Variants in EVA1C observed in about 807,000 individuals in gnomAD.
EVA1C encodes the protein eva-1 homolog C, also known as protein eva-1 homolog C.
A neutral mutation model predicts 45.4 loss-of-function variants in EVA1C; 25 were observed. The observed-to-expected ratio is 0.55, with a 90% CI of 0.40 to 0.77. The LOEUF is 0.77. Among genes scored for constraint, EVA1C ranks in the 30% least tolerant of loss-of-function variants. The pLI is 0.00. For synonymous variants in EVA1C, 190 were observed against 221.2 expected (o/e 0.86, Z 1.25); for missense variants, 479 against 554.8 (o/e 0.86, Z 1.37).
At chr21:32,473,798 A>G (rs2036464846) in intron 4 of EVA1C, 1 of 385,704 alleles carries the variant, frequency 2.6e-6, no homozygotes, top group East Asian at 1.6e-4. Flanking sequence ...ATCTGAGCCA[A>G]GGAGAAAATG....
chr21:32,418,463 G>T (rs2034138766), intron 1 of EVA1C, among the ~76,000 whole-genome samples: 1 of 152,214 alleles, frequency 6.6e-6, no homozygotes, highest in Non-Finnish European at 1.5e-5. Context: ...TGCTTTATTG[G>T]AAAGGGGAGC....
At chr21:32,455,835 A>G (rs2035758855) in intron 2 of EVA1C, among the ~76,000 whole-genome samples, 1 of 152,130 alleles carries the variant, frequency 6.6e-6, no homozygotes, top group African/African-American at 2.4e-5. Context: ...TTTGCCAGAA[A>G]CATCCCCATG....
At chr21:32,463,092 C>A (rs2146286864) in intron 3 of EVA1C, among the ~76,000 whole-genome samples, 4 of 152,326 alleles carry the variant, frequency 2.6e-5, no homozygotes, top group Middle Eastern at 3.4e-3. Flanking sequence ...CGAAAAGAAG[C>A]AGAATGACCC....
chr21:32,487,620 C>T (rs2037014394), intron 4 of EVA1C, among the ~76,000 whole-genome samples: 1 of 151,756 alleles, frequency 6.6e-6, no homozygotes, highest in Non-Finnish European at 1.5e-5. Flanking sequence ...ACTCGGGAAG[C>T]TGAGACAGAG....
At chr21:32,430,114 C>T (rs1346907572) in intron 1 of EVA1C, among the ~76,000 whole-genome samples, 1 of 152,156 alleles carries the variant, frequency 6.6e-6, no homozygotes, top group Non-Finnish European at 1.5e-5. Context: ...CCTTGTTTAG[C>T]ACCCTTTGGT....
Position 32,440,871 on chromosome 21 carries a change from C to T in EVA1C, c.161-12441C>T, listed in dbSNP as rs186350673. On this transcript the variant is annotated intron_variant, in intron 1 of 7. Transcript: ENST00000300255. The stretch of plus-strand genomic sequence containing the variant: ...ATCCCAGCACTTTGGGAGGCCGAGG[C>T]GGGCAGATCACCTGAGGTCGGAAGT... Among the ~76,000 whole-genome samples the T allele has an allele frequency of 3.0e-3, 460 of 152,236 alleles. 1 individual carries two copies. The highest frequency in any genetic ancestry group is 9.4e-3 in the African/African-American group (392 of 41,552).
intron 1 of EVA1C, among the ~76,000 whole-genome samples, chr21:32,419,203 A>C (rs879755644): frequency 6.6e-6 from 1 of 152,156 alleles, no homozygotes; most frequent in Admixed American, 6.5e-5. Flanking sequence ...TGAGTTAAAA[A>C]AATTTGGAGG....
chr21:32,509,451 C>T (rs1321506894), intron 7 of EVA1C, among the ~76,000 whole-genome samples: 2 of 152,176 alleles, frequency 1.3e-5, no homozygotes, highest in African/African-American at 4.8e-5. Flanking sequence ...CACCCACCTC[C>T]CAGGAGAAGA....
At chr21:32,503,787 T>C (rs2037634784) in intron 6 of EVA1C, 139 bp from the exon 7 acceptor site, 1 of 605,734 alleles carries the variant, frequency 1.7e-6, no homozygotes, top group East Asian at 2.8e-5. Flanking sequence ...TTCTGTAATT[T>C]AGCCAGAGGC....
intron 1 of EVA1C, among the ~76,000 whole-genome samples, chr21:32,451,271 C>T (rs554369308): frequency 2.6e-5 from 4 of 152,334 alleles, no homozygotes; most frequent in Admixed American, 1.3e-4. Context: ...CACCTCCTCC[C>T]TTCAGAGACC....
At chr21:32,458,709 G>A (rs908963049) in intron 3 of EVA1C, among the ~76,000 whole-genome samples, 2 of 151,966 alleles carry the variant, frequency 1.3e-5, no homozygotes, top group African/African-American at 2.4e-5. Context: ...TTGAACTCCC[G>A]ACCTCAGCTG....
chr21:32,438,503 A>C (rs972620933), intron 1 of EVA1C, among the ~76,000 whole-genome samples: 9 of 151,094 alleles, frequency 6.0e-5, no homozygotes, highest in Non-Finnish European at 1.3e-4. Flanking sequence ...AAAAAAAAAA[A>C]AAAAACCAAA....
At position 32,503,974 on chromosome 21, in the gene EVA1C, T is replaced by A; in HGVS notation, c.908T>A (p.Ile303Asn). The change falls in exon 7 of 8, where the codon ATT becomes AAT. Residue 303 changes from isoleucine (I) to asparagine (N), a missense_variant. Transcript: ENST00000300255. ...SGSKVLRKDG[I>N]LVSNSLAAFA... ...TCGAAGGTTCTGAGGAAAGATGGAA[T>A]TCTTGTTAGCAACTCTCTGGCAGCC... The A allele has an allele frequency of 6.2e-7, 1 of 1,611,830 alleles. No homozygotes were observed. Among genetic ancestry groups the A allele is most frequent in the Non-Finnish European group, 8.5e-7 (1 of 1,179,772 alleles).
intron 4 of EVA1C, among the ~76,000 whole-genome samples, chr21:32,481,727 C>G (rs2036796020): frequency 6.6e-6 from 1 of 152,130 alleles, no homozygotes; most frequent in Non-Finnish European, 1.5e-5. Context: ...ACTTTCATTT[C>G]AAAGCATTGT....
Position 32,478,221 on chromosome 21 carries a change from T to C in EVA1C, c.634+10373T>C, listed in dbSNP as rs192614888. Among the ~76,000 whole-genome samples the C allele has an allele frequency of 6.4e-3, 970 of 151,696 alleles. 14 individuals are homozygous for C. Among genetic ancestry groups the C allele is most frequent in the African/African-American group, 0.021 (863 of 41,334 alleles). On this transcript the variant is annotated intron_variant, in intron 4 of 7. Transcript: ENST00000300255. ...TTTAAAGAGATAATTAAGTTTTATA[T>C]ATATATATATTTTTTGAGACCACGT... is the stretch of plus-strand genomic sequence containing the variant.
chr21:32,449,046 G>A (rs183683910), intron 1 of EVA1C, among the ~76,000 whole-genome samples: 1 of 151,448 alleles, frequency 6.6e-6, no homozygotes, highest in African/African-American at 2.4e-5. Context: ...GAAGGAAAAG[G>A]AAAGAAAGAG....
intron 1 of EVA1C, among the ~76,000 whole-genome samples, chr21:32,443,676 A>G (rs1025030032): frequency 3.9e-5 from 6 of 152,224 alleles, no homozygotes; most frequent in Non-Finnish European, 7.3e-5. Flanking sequence ...GAAGCCACCA[A>G]TTCCAAGAGG....
intron 1 of EVA1C, among the ~76,000 whole-genome samples, chr21:32,433,926 A>G: frequency 6.6e-6 from 1 of 152,238 alleles, no homozygotes; most frequent in African/African-American, 2.4e-5. Context: ...TGGGAGGCTG[A>G]GGCGGGAGGA....
intron 1 of EVA1C, among the ~76,000 whole-genome samples, chr21:32,437,797 C>T (rs745562851): frequency 8.5e-5 from 13 of 152,152 alleles, no homozygotes; most frequent in African/African-American, 1.9e-4. Context: ...CATCTCGTGA[C>T]GTACAATAAG....
Sources: gnomAD v4.1 joint callset for allele counts (sites outside exome capture counted in the v4.1 genomes callset) on GRCh38, gnomAD v4.1.1 for gene constraint, MANE v1.5 for transcripts, NCBI Gene and HGNC (gene_info 2026-07-23, HGNC 2026-07-21) for gene names.